The following F8 variants were observed in gnomAD, a reference collection of about 807,000 sequenced individuals.
The protein encoded by F8 is antihemophilic factor.
F8 carries 12 observed loss-of-function variants against 140.6 expected under a neutral mutation model. That is an observed-to-expected ratio of 0.09 (90% confidence interval 0.05 to 0.14). The LOEUF is 0.14. F8 is among the 10% of genes least tolerant of loss of function. F8 has a pLI of 1.00. For missense variants in F8, 1,354 were observed against 1,720.7 expected, an observed-to-expected ratio of 0.79 and a Z score of 3.77; for synonymous variants, 585 against 614.6, an observed-to-expected ratio of 0.95 and a Z score of 0.71.
intron 3 of F8, among the ~76,000 whole-genome samples, chrX:154,993,687 C>T (rs1418075701): frequency 6.2e-5 from 7 of 112,457 alleles, no homozygotes; most frequent in African/African-American, 2.3e-4. Context: ...GATATCTCCA[C>T]ATTCTGTTAA....
intron 3 of F8, among the ~76,000 whole-genome samples, chrX:154,995,423 C>G (rs1557285018): frequency 1.8e-5 from 2 of 111,820 alleles, no homozygotes; most frequent in Non-Finnish European, 3.8e-5. Flanking sequence ...TCAGCTATGT[C>G]CATCCCTTTG....
chrX:154,931,349 C>T lies in F8; in HGVS notation c.2441G>A (p.Arg814Gln), dbSNP rs782158350. Residue 814 changes from arginine to glutamine, a missense_variant, in exon 14 of 26, where the codon CGA (arginine) becomes CAA (glutamine). Physicochemically the swap from Arg to Gln is conservative, Grantham distance 43. Transcript: ENST00000360256. ...TAGCCCATGTGGAGTAGGACTCTGT[C>T]GCAAGAGCATCAACAAATCACTAGA... ...VSSSDLLMLL[R>Q]QSPTPHGLSL... 20 of 1,208,749 alleles carry T rather than the reference C, an allele frequency of 1.7e-5. No individual in the cohort carries two copies. Among genetic ancestry groups the T allele is most frequent in the Admixed American group, 6.6e-5 (3 of 45,750 alleles).
chrX:154,917,090 G>C (rs781995031), intron 14 of F8, among the ~76,000 whole-genome samples: 1 of 111,604 alleles, frequency 9.0e-6, no homozygotes. Flanking sequence ...AGTTTCAAAC[G>C]TTCCTCTTGT....
intron 25 of F8, among the ~76,000 whole-genome samples, chrX:154,839,554 G>A (rs2072503570): frequency 9.1e-6 from 1 of 109,696 alleles, no homozygotes; most frequent in South Asian, 3.9e-4. Flanking sequence ...AGTAGAGATG[G>A]GGTTTCACTG....
chrX:154,946,107 T>C (rs1421901928), intron 13 of F8, among the ~76,000 whole-genome samples: 1 of 112,080 alleles, frequency 8.9e-6, no homozygotes, highest in Non-Finnish European at 1.9e-5. Context: ...ACTGAAAAGG[T>C]ATCTATCCCA....
At chrX:154,960,106 A>C (rs1371765583) in intron 10 of F8, among the ~76,000 whole-genome samples, 2 of 112,082 alleles carry the variant, frequency 1.8e-5, no homozygotes, top group Non-Finnish European at 3.8e-5. Flanking sequence ...GATATTTTCA[A>C]TCCATGATTG....
At chrX:154,912,700 T>C (rs1226702109) in intron 14 of F8, among the ~76,000 whole-genome samples, 3 of 112,028 alleles carry the variant, frequency 2.7e-5, no homozygotes, top group Admixed American at 9.4e-5. Flanking sequence ...TATTAGTCTG[T>C]TTTCCTGCTG....
rs911370005 is a variant in F8, at chrX:154,931,618, T to A, written c.2172A>T (p.Leu724Phe). ...TCTTGTCACAACTAGAAACCTTCAG[T>A]AAGGCGGTCATGCCTCTGTTCCGAA... Reference protein sequence around the residue: ...SDFRNRGMTALLKVSSCDKNT... With the variant: ...SDFRNRGMTAFLKVSSCDKNT... Residue 724 changes from leucine (L) to phenylalanine (F), a missense_variant, in exon 14 of 26, where the codon TTA becomes TTT. Physicochemically the swap from Leu to Phe is conservative, Grantham distance 22. This residue lies in a region of F8 where 252 missense variants were observed against 338.5 expected (regional missense o/e 0.74). Transcript: ENST00000360256. The A allele has an allele frequency of 1.4e-5, 17 of 1,211,864 alleles. No homozygotes were observed. The highest frequency in any genetic ancestry group is 1.8e-5 in the Non-Finnish European group (16 of 895,422).
At chrX:154,881,405 C>T (rs1336914658) in intron 22 of F8, among the ~76,000 whole-genome samples, 1 of 90,452 alleles carries the variant, frequency 1.1e-5, no homozygotes, top group Non-Finnish European at 2.1e-5. Context: ...GCTACAGATT[C>T]TTTAACACAC....
At position 154,931,462 on chromosome X, in the gene F8, A is replaced by G. The variant is rs782201289; in HGVS notation, c.2328T>C (p.Asn776=). ...RHPSTRQKQF[N]ATTIPENDIE... ...TGTCATTTTCTGGAATTGTGGTGGC[A>G]TTAAATTGCTTTTGCCTAGTGCTAG... The change falls in exon 14 of 26, where the codon AAT becomes AAC. Residue 776 remains asparagine (N), a synonymous_variant. Transcript: ENST00000360256. 2 of 1,211,554 alleles carry G rather than the reference A, an allele frequency of 1.7e-6. No individual in the cohort carries two copies. The highest frequency in any genetic ancestry group is 2.2e-6 in the Non-Finnish European group (2 of 895,052).
chrX:154,852,702 T>A (rs191538774), intron 25 of F8, among the ~76,000 whole-genome samples: 3 of 109,362 alleles, frequency 2.7e-5, no homozygotes, highest in Non-Finnish European at 5.7e-5. Flanking sequence ...TGAAATTCCA[T>A]CTGAATTTTA....
intron 25 of F8, among the ~76,000 whole-genome samples, chrX:154,858,994 G>T (rs1557272618): frequency 8.9e-6 from 1 of 112,220 alleles, no homozygotes; most frequent in African/African-American, 3.2e-5. Context: ...AAAGCAGATT[G>T]CTCTCCCTAA....
chrX:155,015,721 T>A (rs1438314290), intron 1 of F8, among the ~76,000 whole-genome samples: 4 of 112,000 alleles, frequency 3.6e-5, no homozygotes, highest in African/African-American at 1.3e-4. Flanking sequence ...CTATGTTCAC[T>A]ACTTCAGTGA....
intron 25 of F8, among the ~76,000 whole-genome samples, chrX:154,846,341 T>C (rs2072565984): frequency 8.9e-6 from 1 of 111,787 alleles, no homozygotes. Context: ...ATATCCTTGT[T>C]AACTTTCTGT....
chrX:154,848,814 G>A (rs1329788396), intron 25 of F8, among the ~76,000 whole-genome samples: 1 of 111,280 alleles, frequency 9.0e-6, no homozygotes, highest in Non-Finnish European at 1.9e-5. Context: ...TGTCCGACAA[G>A]CCACAGTGAG....
At position 154,949,984 on chromosome X, in the gene F8, C is replaced by G. The variant is rs782244238; in HGVS notation, c.1904-2077G>C. Among the ~76,000 whole-genome samples the G allele has an allele frequency of 3.6e-5, 4 of 111,317 alleles. No homozygotes were observed. In the East Asian group the frequency reaches 8.5e-4, roughly 24 times the overall value. On this transcript the variant is annotated intron_variant, in intron 12 of 25. Coordinates refer to ENST00000360256, the MANE Select transcript of F8 (RefSeq NM_000132.4). ...GTTTCACCATGTTGGCCAGGATGGT[C>G]TCGATCTCTTGACCTCGTGATCCGC...
At chrX:154,856,310 A>T (rs2072650846) in intron 25 of F8, among the ~76,000 whole-genome samples, 1 of 112,540 alleles carries the variant, frequency 8.9e-6, no homozygotes, top group Non-Finnish European at 1.9e-5. Context: ...GACACCTTAC[A>T]GCAGGACCTG....
Position 154,903,942 on chromosome X carries a change from C to CT in F8, c.5961dup (p.Glu1988ArgfsTer4), listed in dbSNP as rs387906460. 1 of 1,210,458 alleles carries CT rather than the reference C, an allele frequency of 8.3e-7. No individual in the cohort carries two copies. Among genetic ancestry groups the CT allele is most frequent in the Non-Finnish European group, 1.1e-6 (1 of 894,732 alleles). ...TTGTACAGTGCCATTTTATACTCCT[C>CT]TTTTTTTCGTACAGTGAACACATGT... On this transcript the variant is annotated frameshift_variant, in exon 18 of 26. Coordinates refer to ENST00000360256, the MANE Select transcript of F8 (RefSeq NM_000132.4). LOFTEE classifies it high-confidence loss of function.
chrX:154,959,702 C>T (rs2073386661), intron 10 of F8, among the ~76,000 whole-genome samples: 1 of 111,487 alleles, frequency 9.0e-6, no homozygotes, highest in Admixed American at 9.6e-5. Context: ...TCTTTAGCCT[C>T]TAGTAACCAC....
Sources: allele counts gnomAD v4.1 joint callset (sites outside exome capture counted in the v4.1 genomes callset), GRCh38; gene constraint gnomAD v4.1.1; regional missense constraint gnomAD v4.1.1; transcripts MANE v1.5; gene names NCBI Gene and HGNC (gene_info 2026-07-23, HGNC 2026-07-21).